The following NXN variants were observed in gnomAD, a reference collection of about 807,000 sequenced individuals.
NXN encodes the protein nucleoredoxin, also known as nucleoredoxin 1.
Under a neutral mutation model 48.6 loss-of-function variants are expected in NXN, and 16 were observed. That is an observed-to-expected ratio of 0.33 (90% confidence interval 0.22 to 0.50). NXN has a LOEUF of 0.50. Among genes scored for constraint, NXN ranks in the 20% least tolerant of loss-of-function variants. The pLI is 0.98. For missense variants in NXN, 492 were observed against 605.5 expected, an observed-to-expected ratio of 0.81 and a Z score of 1.97; for synonymous variants, 281 against 269.6, an observed-to-expected ratio of 1.04 and a Z score of -0.41.
At chr17:890,106 T>C (rs1228704615) in intron 1 of NXN, among the ~76,000 whole-genome samples, 1 of 152,082 alleles carries the variant, frequency 6.6e-6, no homozygotes, top group Non-Finnish European at 1.5e-5. Context: ...GTATCAAGCA[T>C]GCCGGCGTGA....
At chr17:915,738 T>C (rs1181137732) in intron 1 of NXN, among the ~76,000 whole-genome samples, 1 of 148,158 alleles carries the variant, frequency 6.7e-6, no homozygotes, top group African/African-American at 2.5e-5. Flanking sequence ...GACCAGTTAG[T>C]GCAACACTAA....
intron 1 of NXN, among the ~76,000 whole-genome samples, chr17:832,337 C>T (rs1219250079): frequency 6.8e-6 from 1 of 147,468 alleles, no homozygotes; most frequent in Non-Finnish European, 1.5e-5. Context: ...GCCACCACAC[C>T]CAGCTACTAT....
chr17:934,900 T>G lies in NXN; in HGVS notation c.360+44419A>C, dbSNP rs527413723. On this transcript the variant is annotated intron_variant, in intron 1 of 7. Coordinates refer to ENST00000336868, the MANE Select transcript of NXN (RefSeq NM_022463.5). ...AAAAAGAAAAGAAAGAACATTCTTT[T>G]AGCCCAGTCCCAAGCGGACTGTCTG... Among the ~76,000 whole-genome samples, 10 of 152,240 alleles carry G rather than the reference T, an allele frequency of 6.6e-5. No individual in the cohort carries two copies. In the South Asian group the frequency reaches 2.1e-3, roughly 32 times the overall value.
chr17:876,204 GAAAGA>G (rs1248298158), intron 1 of NXN, among the ~76,000 whole-genome samples: 12 of 144,174 alleles, frequency 8.3e-5, no homozygotes, highest in Admixed American at 2.8e-4. Context: ...AAAAAGAAAA[GAAAGA>G]AAAGAAAAGA....
At chr17:834,482 T>C (rs1390179515) in intron 1 of NXN, among the ~76,000 whole-genome samples, 3 of 152,012 alleles carry the variant, frequency 2.0e-5, no homozygotes, top group African/African-American at 4.8e-5. Flanking sequence ...TGGTGCGATC[T>C]CAGCTCACTG....
intron 1 of NXN, among the ~76,000 whole-genome samples, chr17:834,587 G>C (rs1469208397): frequency 6.6e-6 from 1 of 152,062 alleles, no homozygotes; most frequent in Admixed American, 6.6e-5. Flanking sequence ...GCTAATTTTT[G>C]TATTTTTAGT....
At chr17:909,079 A>G (rs2068607687) in intron 1 of NXN, among the ~76,000 whole-genome samples, 1 of 142,936 alleles carries the variant, frequency 7.0e-6, no homozygotes, top group African/African-American at 2.6e-5. Flanking sequence ...AGCCTGGGCG[A>G]CAGAGTGAGA....
intron 6 of NXN, among the ~76,000 whole-genome samples, chr17:804,305 CAG>C (rs1911370807): frequency 9.1e-6 from 1 of 110,306 alleles, no homozygotes. Flanking sequence ...TTTTTTGAGA[CAG>C]AGTCTCGCTC....
At chr17:902,909 GCTGGGATGCACCATCACGT>G (rs1298296576) in intron 1 of NXN, among the ~76,000 whole-genome samples, 4 of 151,676 alleles carry the variant, frequency 2.6e-5, no homozygotes, top group African/African-American at 9.7e-5. Flanking sequence ...TTCCCAGGTA[GCTGGGATGCACCATCACGT>G]CTGGCTAATT....
chr17:857,530 G>T (rs2067998857), intron 1 of NXN, among the ~76,000 whole-genome samples: 1 of 152,200 alleles, frequency 6.6e-6, no homozygotes, highest in Admixed American at 6.5e-5. Flanking sequence ...AAAGTGCTGG[G>T]ATTACAGGTG....
chr17:931,728 G>A (rs58345185), intron 1 of NXN, among the ~76,000 whole-genome samples: 26,318 of 150,452 alleles, frequency 0.17, 2,547 homozygotes, highest in Non-Finnish European at 0.2. Flanking sequence ...CCAGCTACTC[G>A]GGAGGCTGAG....
intron 1 of NXN, chr17:863,763 G>A: frequency 3.3e-6 from 2 of 612,804 alleles, no homozygotes; most frequent in Non-Finnish European, 5.8e-6. Flanking sequence ...GCACCTGGCT[G>A]ACACTGTATT....
chr17:907,929 C>G (rs1218965005), intron 1 of NXN: 2 of 152,114 alleles, frequency 1.3e-5, no homozygotes, highest in East Asian at 3.9e-4. Flanking sequence ...GCTGCCAACT[C>G]ATGTAATGGG....
chr17:826,027 G>C lies in NXN; in HGVS notation c.412C>G (p.Leu138Val). 9.9e-6 allele frequency: 16 copies of C among 1,614,062 alleles called. No individual in the cohort carries two copies. Among genetic ancestry groups the C allele is most frequent in the East Asian group, 2.2e-5 (1 of 44,880 alleles). ...RISNIPSLIF[L>V]DATTGKVVCR... ...ACAACCTTCCCAGTGGTGGCGTCGA[G>C]GAATATTAGTGATGGAATGTTGGAA... Residue 138 changes from leucine to valine, a missense_variant, in exon 2 of 8, where the codon CTC becomes GTC. By Grantham distance (32) the Leu-to-Val change is conservative. This residue lies in a region of NXN where 186 missense variants were observed against 199.1 expected (regional missense o/e 0.93). Transcript: ENST00000336868.
chr17:888,573 C>T (rs983682733), intron 1 of NXN, among the ~76,000 whole-genome samples: 4 of 152,006 alleles, frequency 2.6e-5, no homozygotes, highest in African/African-American at 9.7e-5. Context: ...GGTCTTCAGA[C>T]AATTGCTATT....
intron 1 of NXN, among the ~76,000 whole-genome samples, chr17:914,543 G>T (rs1370486704): frequency 6.7e-6 from 1 of 150,114 alleles, no homozygotes; most frequent in African/African-American, 2.4e-5. Flanking sequence ...AAACACCGAG[G>T]TCTGTAATTG....
intron 5 of NXN, among the ~76,000 whole-genome samples, chr17:806,997 T>C (rs1328463421): frequency 6.6e-6 from 1 of 152,066 alleles, no homozygotes; most frequent in East Asian, 1.9e-4. Context: ...GATTTTCGGG[T>C]GTGCTCAGCG....
rs532772647 is a variant in NXN at position 853,030 on chromosome 17, T to G, written c.361-26952A>C. On this transcript the variant is annotated intron_variant, in intron 1 of 7. Transcript: ENST00000336868. ...TCTCACTTTATCACCCAGGCTGGAG[T>G]GCAATGGCGCAATCTCAGCTCACTG... Among the ~76,000 whole-genome samples the G allele has an allele frequency of 2.0e-5, 3 of 151,682 alleles. No individual in the cohort carries two copies. In the East Asian group the frequency reaches 5.9e-4, roughly 30 times the overall value.
intron 1 of NXN, among the ~76,000 whole-genome samples, chr17:965,613 C>T (rs1469088108): frequency 6.6e-6 from 1 of 152,130 alleles, no homozygotes; most frequent in Non-Finnish European, 1.5e-5. Context: ...GACTAACAGA[C>T]TCCTCCTAGC....
Sources: allele counts gnomAD v4.1 joint callset (sites outside exome capture counted in the v4.1 genomes callset), GRCh38; gene constraint gnomAD v4.1.1; regional missense constraint gnomAD v4.1.1; transcripts MANE v1.5; gene names NCBI Gene and HGNC (gene_info 2026-07-23, HGNC 2026-07-21).